Variants in NDRG4 observed in about 807,000 individuals in gnomAD.
The protein encoded by NDRG4 is protein NDRG4.
In NDRG4, 38 loss-of-function variants were observed where a neutral mutation model predicts 55.8. The ratio of observed to expected loss-of-function variants is 0.68; its 90% CI spans 0.53 to 0.89. The LOEUF (loss-of-function observed/expected upper bound fraction) is 0.89. Ranked by LOEUF, NDRG4 falls within the 40% of genes least tolerant of loss-of-function variation. The pLI is 0.00. For synonymous variants in NDRG4, 190 were observed against 182.7 expected (o/e 1.04, Z -0.32); for missense variants, 455 against 468.6 (o/e 0.97, Z 0.27).
intron 1 of NDRG4, among the ~76,000 whole-genome samples, chr16:58,469,628 G>A (rs1045549569): frequency 5.3e-5 from 8 of 152,188 alleles, no homozygotes; most frequent in Non-Finnish European, 1.2e-4. Context: ...CAGTAGAGCA[G>A]CAGTGCATTC....
chr16:58,513,964 A>AAAC (rs1454330181), downstream of NDRG4, among the ~76,000 whole-genome samples: 1 of 152,122 alleles, frequency 6.6e-6, no homozygotes, highest in East Asian at 1.9e-4. Context: ...CCTCAAAATA[A>AAAC]AACAAAAAAA....
At chr16:58,477,845 T>C (rs1052848776) in intron 1 of NDRG4, among the ~76,000 whole-genome samples, 3 of 152,188 alleles carry the variant, frequency 2.0e-5, no homozygotes, top group Admixed American at 6.5e-5. Flanking sequence ...CTTCCCACAC[T>C]GCTTACAAAG....
intron 1 of NDRG4, among the ~76,000 whole-genome samples, chr16:58,479,547 C>T (rs1420894484): frequency 6.6e-6 from 1 of 152,210 alleles, no homozygotes; most frequent in East Asian, 1.9e-4. Context: ...TAAAGTTGAA[C>T]CCACTGCCAT....
chr16:58,501,995 A>G (rs2037210835), intron 1 of NDRG4: 2 of 455,770 alleles, frequency 4.4e-6, no homozygotes, highest in South Asian at 1.5e-5. Context: ...GAGCTGAGAG[A>G]ACTCACAGGT....
At chr16:58,480,340 C>CA (rs1408768571) in intron 1 of NDRG4, among the ~76,000 whole-genome samples, 3 of 152,114 alleles carry the variant, frequency 2.0e-5, no homozygotes, top group African/African-American at 7.2e-5. Flanking sequence ...AGGCTGGTCT[C>CA]AAACTCCTGA....
At chr16:58,477,555 G>C (rs924254307) in intron 1 of NDRG4, among the ~76,000 whole-genome samples, 1 of 152,042 alleles carries the variant, frequency 6.6e-6, no homozygotes, top group Admixed American at 6.6e-5. Context: ...AAATATCCAT[G>C]AGTCCTTATT....
upstream of NDRG4, chr16:58,499,993 C>T: frequency 1.1e-6 from 1 of 932,978 alleles, no homozygotes; most frequent in East Asian, 2.9e-5. Flanking sequence ...ACTTCAGAAG[C>T]CAATTGGAGC....
chr16:58,503,578 A>C (rs954439817), intron 1 of NDRG4: 19 of 862,026 alleles, frequency 2.2e-5, no homozygotes, highest in Non-Finnish European at 3.4e-5. Context: ...GACCTTCCCC[A>C]TGCAGATCAG....
In NDRG4 at chr16:58,510,625, G is replaced by A. The variant is rs747246086; in HGVS notation, c.866-20G>A. ...TCTCCCCCATCCCCGCCCCCTCTCC[G>A]GCTCTGTCTTCTCTCTTAGTTGCGT... On this transcript the variant is annotated intron_variant, in intron 13 of 14. Coordinates refer to ENST00000570248, the MANE Select transcript of NDRG4 (RefSeq NM_001242835.2). The A allele has an allele frequency of 9.7e-5, 149 of 1,533,668 alleles. No individual in the cohort carries two copies. The highest frequency in any genetic ancestry group is 1.2e-4 in the Non-Finnish European group (134 of 1,145,700).
chr16:58,487,022 C>G (rs990753442), intron 1 of NDRG4, among the ~76,000 whole-genome samples: 4 of 148,030 alleles, frequency 2.7e-5, no homozygotes, highest in African/African-American at 7.4e-5. Flanking sequence ...CTGTTCCTCT[C>G]CAGTCTCTCT....
At chr16:58,471,025 A>G (rs2032707382) in intron 1 of NDRG4, among the ~76,000 whole-genome samples, 1 of 151,986 alleles carries the variant, frequency 6.6e-6, no homozygotes. Context: ...GGAAGGGGCT[A>G]CCAGCCAAGG....
chr16:58,490,476 C>T (rs1436520643), intron 2 of NDRG4, among the ~76,000 whole-genome samples: 1 of 152,188 alleles, frequency 6.6e-6, no homozygotes, highest in Non-Finnish European at 1.5e-5. Flanking sequence ...CTCCTGCCTC[C>T]TCATGCCCTC....
chr16:58,501,182 C>T (rs557672184), intron 1 of NDRG4: 7 of 690,960 alleles, frequency 1.0e-5, no homozygotes, highest in South Asian at 1.5e-4. Flanking sequence ...CGATAGGTCA[C>T]CCCGCACGCA....
chr16:58,494,406 CCCTT>C (rs2151731147), intron 2 of NDRG4, among the ~76,000 whole-genome samples: 1 of 152,320 alleles, frequency 6.6e-6, no homozygotes, highest in East Asian at 1.9e-4. Flanking sequence ...CCCCTTCCCT[CCCTT>C]CCTTCCACCC....
At chr16:58,500,781 C>T (rs530068880) in intron 1 of NDRG4, 30 of 414,440 alleles carry the variant, frequency 7.2e-5, no homozygotes, top group African/African-American at 5.3e-4. Context: ...AGTGGGCGGC[C>T]GTCTAGCTTG....
downstream of NDRG4, among the ~76,000 whole-genome samples, chr16:58,513,962 TAAAACAAA>T (rs2039039512): frequency 6.6e-6 from 1 of 151,650 alleles, no homozygotes; most frequent in Non-Finnish European, 1.5e-5. Flanking sequence ...TGCCTCAAAA[TAAAACAAA>T]AAAACAAAAT....
chr16:58,506,108 T>C lies in NDRG4; in HGVS notation c.373-279T>C, dbSNP rs569036168. ...CTCAATTTTGCACTTCAAAAATATA[T>C]TAAGAGCTGATTCTGTTGAAAGAGC... On this transcript the variant is annotated intron_variant, in intron 5 of 14. Coordinates refer to ENST00000570248, the MANE Select transcript of NDRG4 (RefSeq NM_001242835.2). 4 of 596,314 alleles carry C rather than the reference T, an allele frequency of 6.7e-6. No homozygotes were observed. The East Asian group carries it at 9.6e-5, about 14-fold the overall frequency. The allele number at this position is 596,314 out of a possible 1,614,324, so 36.9% of individuals were successfully genotyped here.
chr16:58,507,319 C>T (rs1204204192), intron 8 of NDRG4: 10 of 432,012 alleles, frequency 2.3e-5, no homozygotes, highest in Non-Finnish European at 2.9e-5. Flanking sequence ...TTGATGTTGA[C>T]GTCTGCAAAA....
At chr16:58,504,727 C>A in intron 5 of NDRG4, 78 bp downstream of exon 5, 1 of 1,528,140 alleles carries the variant, frequency 6.5e-7, no homozygotes, top group Non-Finnish European at 9.1e-7. Context: ...CTGGGGGGAA[C>A]CCTTCAGCCT....
Sources: gnomAD v4.1 joint callset for allele counts (sites outside exome capture counted in the v4.1 genomes callset) on GRCh38, gnomAD v4.1.1 for gene constraint, MANE v1.5 for transcripts, NCBI Gene and HGNC (gene_info 2026-07-23, HGNC 2026-07-21) for gene names.